Variants in YPEL1 observed in about 807,000 individuals in gnomAD.
YPEL1 encodes yippee like 1, also known as protein yippee-like 1.
YPEL1 carries 7 observed loss-of-function variants against 17.3 expected under a neutral mutation model. The observed-to-expected ratio is 0.40, with a 90% CI of 0.23 to 0.76. YPEL1 has a LOEUF of 0.76. Ranked by LOEUF, YPEL1 falls within the 30% of genes least tolerant of loss-of-function variation. The pLI is 0.35. For missense variants in YPEL1, 91 were observed against 155.5 expected (o/e 0.59, Z 2.21); for synonymous variants, 59 against 59.6 (o/e 0.99, Z 0.05).
chr22:21,711,231 A>T (rs751417389), intron 1 of YPEL1, among the ~76,000 whole-genome samples: 5 of 152,142 alleles, frequency 3.3e-5, no homozygotes, highest in Non-Finnish European at 7.4e-5. Flanking sequence ...CCTGACCAAG[A>T]TCCAACTCTT....
intron 1 of YPEL1, among the ~76,000 whole-genome samples, chr22:21,713,055 T>G (rs1357487568): frequency 6.6e-6 from 1 of 152,104 alleles, no homozygotes; most frequent in African/African-American, 2.4e-5. Context: ...AAGGACCACG[T>G]TGAGACACCA....
intron 1 of YPEL1, among the ~76,000 whole-genome samples, chr22:21,717,137 T>TG (rs921225062): frequency 2.0e-4 from 6 of 30,106 alleles, no homozygotes; most frequent in Middle Eastern, 0.022. Flanking sequence ...AGGCCGGGGC[T>TG]GGGGGGGCGG....
rs1172703091 is a variant in YPEL1, at chr22:21,703,073, G to T, written c.270+297C>A. ...TCGGCCTCCTCCCACACCAGGCTCT[G>T]CTCAGCGGGCCGAGGGCGGGCTGGG... On this transcript the variant is annotated intron_variant, in intron 4 of 4. Coordinates refer to ENST00000339468, the MANE Select transcript of YPEL1 (RefSeq NM_013313.5). The surrounding 1 kb of genome is among the most constrained non-coding windows in gnomAD (Gnocchi z 6.1). 6.6e-6 allele frequency among the ~76,000 whole-genome samples: 1 copy of T among 152,232 alleles called. No homozygotes were observed. The highest frequency in any genetic ancestry group is 2.4e-5 in the African/African-American group (1 of 41,460).
chr22:21,713,158 G>C (rs1326752279), intron 1 of YPEL1, among the ~76,000 whole-genome samples: 1 of 152,094 alleles, frequency 6.6e-6, no homozygotes, highest in Non-Finnish European at 1.5e-5. Flanking sequence ...TGTGCATTGA[G>C]GGTAAAAATG....
chr22:21,718,486 A>C (rs1299316370), intron 1 of YPEL1, among the ~76,000 whole-genome samples: 1 of 151,662 alleles, frequency 6.6e-6, no homozygotes, highest in Non-Finnish European at 1.5e-5. Context: ...AATATAAATA[A>C]ATAAATAAAA....
Position 21,703,352 on chromosome 22 carries a change from TC to T in YPEL1, c.270+17del. 1 of 1,609,778 alleles carries T rather than the reference TC, an allele frequency of 6.2e-7. No homozygotes were observed. Among genetic ancestry groups the T allele is most frequent in the Non-Finnish European group, 8.5e-7 (1 of 1,177,126 alleles). ...GCCACATCCCCTTGTGGCACGAGCA[TC>T]CCCTTGTGGCACTCACGTATTTCCA... On this transcript the variant is annotated intron_variant, in intron 4 of 4. Coordinates refer to ENST00000339468, the MANE Select transcript of YPEL1 (RefSeq NM_013313.5). This position sits in a 1 kb window ranked among gnomAD's most constrained non-coding sequence, Gnocchi z 6.1.
chr22:21,732,865 C>T (rs1284552486), intron 1 of YPEL1, among the ~76,000 whole-genome samples: 6 of 152,148 alleles, frequency 3.9e-5, no homozygotes, highest in African/African-American at 1.4e-4. Flanking sequence ...CATCGGGAGG[C>T]TGAGACTGGA....
chr22:21,716,124 G>A (rs866727042), intron 1 of YPEL1, among the ~76,000 whole-genome samples: 2 of 152,070 alleles, frequency 1.3e-5, no homozygotes, highest in Non-Finnish European at 2.9e-5. Flanking sequence ...GTCCAGGCTG[G>A]TCTCAAATTC....
Position 21,720,283 on chromosome 22 carries a change from C to G in YPEL1, c.-164-9375G>C, listed in dbSNP as rs1208344313. 2.0e-5 allele frequency among the ~76,000 whole-genome samples: 3 copies of G among 151,750 alleles called. No individual in the cohort carries two copies. In the East Asian group the frequency reaches 5.8e-4, roughly 29 times the overall value. ...AGTGGCATGGTCACACAGCTCACTG[C>G]AGCCTTGACCTCCTGGGCTCAAGCA... On this transcript the variant is annotated intron_variant, in intron 1 of 4. Coordinates refer to ENST00000339468, the MANE Select transcript of YPEL1 (RefSeq NM_013313.5).
At chr22:21,717,711 C>G (rs562797495) in intron 1 of YPEL1, among the ~76,000 whole-genome samples, 5 of 152,262 alleles carry the variant, frequency 3.3e-5, no homozygotes, top group African/African-American at 1.2e-4. Flanking sequence ...ATGACCTGTT[C>G]AACAGAACAA....
chr22:21,714,036 A>AC (rs201751159), intron 1 of YPEL1, among the ~76,000 whole-genome samples: 2,025 of 150,674 alleles, frequency 0.013, 37 homozygotes, highest in African/African-American at 0.047. Context: ...CCTGAGATGC[A>AC]CCCCCCACCG....
rs2068086007 is a variant in YPEL1 at position 21,703,546 on chromosome 22, C to A, written c.162-68G>T. The A allele has an allele frequency of 7.1e-7, 1 of 1,413,734 alleles. No individual in the cohort carries two copies. Among genetic ancestry groups the A allele is most frequent in the Non-Finnish European group, 9.9e-7 (1 of 1,014,294 alleles). The allele number at this position is 1,413,734 out of a possible 1,614,324, so 87.6% of individuals were successfully genotyped here. On this transcript the variant is annotated intron_variant, in intron 3 of 4. Coordinates refer to ENST00000339468, the MANE Select transcript of YPEL1 (RefSeq NM_013313.5). This position sits in a 1 kb window ranked among gnomAD's most constrained non-coding sequence, Gnocchi z 6.1. ...CCCTGACCAGGCCCTGCCCCCTCAG[C>A]GGGCCCCACCCCATCCTCCTAAGAG...
chr22:21,708,219 C>A (rs552475510), intron 2 of YPEL1, among the ~76,000 whole-genome samples: 2 of 151,848 alleles, frequency 1.3e-5, no homozygotes, highest in African/African-American at 2.4e-5. Flanking sequence ...CATGGAGGCA[C>A]GAGGTCTGAT....
chr22:21,701,236 AAAGGTTTCAGGACAG>A lies in YPEL1; in HGVS notation c.271-33_271-19del. 1 of 1,602,800 alleles carries A rather than the reference AAAGGTTTCAGGACAG, an allele frequency of 6.2e-7. No individual in the cohort carries two copies. Among genetic ancestry groups the A allele is most frequent in the African/African-American group, 1.3e-5 (1 of 74,670 alleles). ...GCATGCTCCTTGAAAAAGAAGAGAC[AAAGGTTTCAGGACAG>A]AAGGTTTCACTTTTCAATTTCATCA... On this transcript the variant is annotated intron_variant, in intron 4 of 4. Transcript: ENST00000339468.
intron 1 of YPEL1, among the ~76,000 whole-genome samples, chr22:21,733,761 A>C (rs1045053604): frequency 1.3e-5 from 2 of 152,186 alleles, no homozygotes; most frequent in African/African-American, 4.8e-5. Context: ...AAACCAAAAC[A>C]AACCAACAAA....
chr22:21,728,555 C>T (rs188391260), intron 1 of YPEL1, among the ~76,000 whole-genome samples: 2 of 152,124 alleles, frequency 1.3e-5, no homozygotes, highest in Non-Finnish European at 2.9e-5. Flanking sequence ...AAAAGGTTAC[C>T]TGAGCACCCA....
chr22:21,733,156 C>T (rs773140340), intron 1 of YPEL1, among the ~76,000 whole-genome samples: 1 of 152,094 alleles, frequency 6.6e-6, no homozygotes, highest in Non-Finnish European at 1.5e-5. Context: ...GTGGCTTACA[C>T]CTGTAATCCC....
intron 1 of YPEL1, among the ~76,000 whole-genome samples, chr22:21,721,422 T>C (rs1184400298): frequency 2.6e-5 from 1 of 39,080 alleles, no homozygotes; most frequent in Non-Finnish European, 6.9e-5. Flanking sequence ...CCAGCCTTTT[T>C]TTCTTTTTTT....
chr22:21,730,959 G>A (rs1380075724), intron 1 of YPEL1, among the ~76,000 whole-genome samples: 3 of 152,170 alleles, frequency 2.0e-5, no homozygotes, highest in African/African-American at 7.2e-5. Context: ...TACTGATAAT[G>A]TGCTTGTACT....
Sources: gnomAD v4.1 joint callset for allele counts (sites outside exome capture counted in the v4.1 genomes callset) on GRCh38, gnomAD v4.1.1 for gene constraint, Gnocchi (gnomAD v3.1) non-coding constraint, MANE v1.5 for transcripts, NCBI Gene and HGNC (gene_info 2026-07-23, HGNC 2026-07-21) for gene names.